Variants in ABCA13 observed in about 807,000 individuals in gnomAD.
ABCA13 encodes ATP binding cassette subfamily A member 13.
Under a neutral mutation model 478.7 loss-of-function variants are expected in ABCA13, and 476 were observed. That is an observed-to-expected ratio of 0.99 (90% confidence interval 0.92 to 1.07). The LOEUF (loss-of-function observed/expected upper bound fraction) is 1.07. Among genes scored for constraint, ABCA13 ranks in the 50% least tolerant of loss-of-function variants. ABCA13 has a pLI of 0.00. For synonymous variants in ABCA13, 2,252 were observed against 2,158.9 expected, an observed-to-expected ratio of 1.04 and a Z score of -1.20; for missense variants, 6,060 against 5,910.6, an observed-to-expected ratio of 1.03 and a Z score of -0.83.
rs149615644 is a variant in ABCA13, at chr7:48,185,885, C to T, written c.70-7074C>T. ...TTGAGGTTAAATGATTAAGTATACA[C>T]GTTCATAATATTATTATACTTTTTG... On this transcript the variant is annotated intron_variant, in intron 1 of 61. Transcript: ENST00000435803. Among the ~76,000 whole-genome samples the T allele has an allele frequency of 5.7e-3, 870 of 151,848 alleles. 12 individuals are homozygous for T. Among genetic ancestry groups the T allele is most frequent in the African/African-American group, 0.02 (822 of 41,462 alleles).
intron 35 of ABCA13, among the ~76,000 whole-genome samples, chr7:48,384,639 C>T (rs751530652): frequency 1.3e-5 from 2 of 152,222 alleles, no homozygotes; most frequent in Non-Finnish European, 2.9e-5. Context: ...TACTCATCCT[C>T]TTCCTACAGA....
chr7:48,235,712 C>A (rs1789848078), intron 8 of ABCA13, among the ~76,000 whole-genome samples: 1 of 152,268 alleles, frequency 6.6e-6, no homozygotes, highest in South Asian at 2.1e-4. Flanking sequence ...ATTATTCCAT[C>A]TTCAATGGCT....
chr7:48,436,986 A>G (rs1326443339), intron 42 of ABCA13, among the ~76,000 whole-genome samples: 2 of 151,932 alleles, frequency 1.3e-5, no homozygotes, highest in African/African-American at 2.4e-5. Flanking sequence ...AGAAAAATGT[A>G]TATTCTGCTG....
At chr7:48,624,873 T>G (rs544025100) in intron 59 of ABCA13, among the ~76,000 whole-genome samples, 1 of 152,172 alleles carries the variant, frequency 6.6e-6, no homozygotes, top group Non-Finnish European at 1.5e-5. Context: ...TGTTTTTCTT[T>G]CTTTCTTTCT....
At position 48,387,967 on chromosome 7, in the gene ABCA13, A is replaced by G; in HGVS notation, c.11473+8A>G. ...AGAACTTTGACAATAAAGGTTTGTA[A>G]GGAGTAGAATTATTAGATGCATGTA... On this transcript the variant is annotated splice_region_variant and intron_variant, in intron 36 of 61. Transcript: ENST00000435803. 1 of 1,596,112 alleles carries G rather than the reference A, an allele frequency of 6.3e-7. No homozygotes were observed. The highest frequency in any genetic ancestry group is 1.1e-5 in the South Asian group (1 of 87,150).
chr7:48,341,366 T>A (rs1563083597), intron 29 of ABCA13, among the ~76,000 whole-genome samples: 1 of 152,176 alleles, frequency 6.6e-6, no homozygotes, highest in Non-Finnish European at 1.5e-5. Flanking sequence ...AGGAATTCTC[T>A]GCTCTGCTCT....
chr7:48,312,446 G>GAAA (rs143168215), intron 24 of ABCA13, among the ~76,000 whole-genome samples: 1 of 149,122 alleles, frequency 6.7e-6, no homozygotes. Context: ...CTGAGAATAT[G>GAAA]AAAAAAAAAA....
At chr7:48,555,691 T>C (rs898979636) in intron 55 of ABCA13, among the ~76,000 whole-genome samples, 1 of 151,882 alleles carries the variant, frequency 6.6e-6, no homozygotes, top group South Asian at 2.1e-4. Context: ...ATTTTATTTA[T>C]TTAGGTTTTC....
At chr7:48,435,514 T>C (rs945550884) in intron 42 of ABCA13, among the ~76,000 whole-genome samples, 10 of 151,842 alleles carry the variant, frequency 6.6e-5, no homozygotes, top group Non-Finnish European at 1.5e-4. Flanking sequence ...TATTTCTTTT[T>C]TTGCCTAATT....
chr7:48,361,096 GA>G lies in ABCA13; in HGVS notation c.10689-6684del, dbSNP rs74486985. Among the ~76,000 whole-genome samples the G allele has an allele frequency of 3.4e-3, 443 of 131,348 alleles. 5 individuals carry two copies. The highest frequency in any genetic ancestry group is 6.4e-3 in the African/African-American group (230 of 35,686). The allele number at this position is 131,348 out of a possible 152,430, so 86.2% of individuals were successfully genotyped here. A position where few individuals can be genotyped will look rare whatever the true frequency, so the allele number is the denominator to read the frequency against. On this transcript the variant is annotated intron_variant, in intron 31 of 61. Transcript: ENST00000435803. ...GGGCAACAGAGTGAGACCCTGTTTG[GA>G]AAAAAAAAAAAAAGACAAGAAAACT...
chr7:48,514,656 T>A (rs1831975742), intron 51 of ABCA13, among the ~76,000 whole-genome samples: 1 of 152,192 alleles, frequency 6.6e-6, no homozygotes, highest in South Asian at 2.1e-4. Context: ...GTGTAGCACT[T>A]GATTTTTGTC....
chr7:48,241,581 C>T (rs10224277), intron 10 of ABCA13, among the ~76,000 whole-genome samples: 54,158 of 152,032 alleles, frequency 0.36, 10,139 homozygotes, highest in Middle Eastern at 0.43. Flanking sequence ...CCAAAATAGC[C>T]GACTAGATCT....
chr7:48,565,271 A>C (rs1585827175), intron 55 of ABCA13, among the ~76,000 whole-genome samples: 1 of 108,640 alleles, frequency 9.2e-6, no homozygotes, highest in African/African-American at 4.4e-5. Context: ...GGCAAGAACA[A>C]AAAAAAAAAA....
At chr7:48,542,901 G>A (rs1295786201) in intron 55 of ABCA13, among the ~76,000 whole-genome samples, 1 of 151,636 alleles carries the variant, frequency 6.6e-6, no homozygotes, top group African/African-American at 2.4e-5. Context: ...ATGGCTAAAT[G>A]ACTTAAGAAA....
intron 23 of ABCA13, among the ~76,000 whole-genome samples, chr7:48,302,867 G>T (rs1800344886): frequency 1.3e-5 from 2 of 152,158 alleles, no homozygotes; most frequent in African/African-American, 4.8e-5. Context: ...AGCCAGTAAT[G>T]GGTCAAATGG....
rs137870208 is a variant in ABCA13 at position 48,481,062 on chromosome 7, T to A, written c.13002T>A (p.Ala4334=). The change falls in exon 46 of 62, where the codon GCT becomes GCA. Residue 4334 remains alanine, a synonymous_variant. Coordinates refer to ENST00000435803, the MANE Select transcript of ABCA13 (RefSeq NM_152701.5). ...AGTGTCCAAATAGAAGTGCTAGTGC[T>A]CCCTACCTGACCAACCACCTGGGCC... ...CLKCPNRSAS[A]PYLTNHLGHT... The A allele has an allele frequency of 9.4e-6, 15 of 1,600,818 alleles. No homozygotes were observed. The highest frequency in any genetic ancestry group is 1.2e-5 in the Non-Finnish European group (14 of 1,173,330).
intron 51 of ABCA13, among the ~76,000 whole-genome samples, chr7:48,514,637 C>T (rs539712179): frequency 2.0e-5 from 3 of 152,092 alleles, no homozygotes; most frequent in East Asian, 1.9e-4. Context: ...AAAACAGTTG[C>T]GTGAAGGAGT....
At chr7:48,642,364 T>C (rs548497966) in intron 59 of ABCA13, among the ~76,000 whole-genome samples, 3 of 152,232 alleles carry the variant, frequency 2.0e-5, no homozygotes, top group South Asian at 4.1e-4. Flanking sequence ...TAACACATTT[T>C]CCCCCAGCAA....
intron 1 of ABCA13, among the ~76,000 whole-genome samples, chr7:48,174,432 A>G (rs183947027): frequency 3.3e-5 from 5 of 152,288 alleles, no homozygotes; most frequent in African/African-American, 4.8e-5. Context: ...AATCTTTCAT[A>G]TATTTCATGA....
Sources: allele counts gnomAD v4.1 joint callset (sites outside exome capture counted in the v4.1 genomes callset), GRCh38; gene constraint gnomAD v4.1.1; transcripts MANE v1.5; gene names NCBI Gene and HGNC (gene_info 2026-07-23, HGNC 2026-07-21).